The following CTNNA3 variants were observed in gnomAD, a reference collection of about 807,000 sequenced individuals.
The protein encoded by CTNNA3 is catenin alpha-3.
A neutral mutation model predicts 95.7 loss-of-function variants in CTNNA3; 76 were observed. That is an observed-to-expected ratio of 0.79 (90% CI 0.66 to 0.96). The LOEUF is 0.96. Among genes scored for constraint, CTNNA3 ranks in the 40% least tolerant of loss-of-function variants. The probability of loss-of-function intolerance (pLI) is 0.00; values close to 1 mark genes in which losing one functional copy is unlikely to be tolerated. For missense variants in CTNNA3, 1,191 were observed against 1,089.8 expected (o/e 1.09, Z -1.31); for synonymous variants, 431 against 374.4 (o/e 1.15, Z -1.74).
intron 7 of CTNNA3, among the ~76,000 whole-genome samples, chr10:66,995,810 C>T (rs575940280): frequency 6.6e-6 from 1 of 152,256 alleles, no homozygotes; most frequent in East Asian, 1.9e-4. Flanking sequence ...CTAATACAAG[C>T]ATTACTGCCT....
intron 11 of CTNNA3, among the ~76,000 whole-genome samples, chr10:66,456,248 A>G (rs1268653908): frequency 6.6e-6 from 1 of 152,200 alleles, no homozygotes; most frequent in Non-Finnish European, 1.5e-5. Context: ...AAAAAGAAGA[A>G]TAAAATTGGA....
intron 9 of CTNNA3, among the ~76,000 whole-genome samples, chr10:66,629,880 C>T (rs962098774): frequency 6.6e-6 from 1 of 152,150 alleles, no homozygotes; most frequent in African/African-American, 2.4e-5. Context: ...TCCATCAGAT[C>T]TCTGCTCAAA....
chr10:67,104,424 G>A (rs919286218), intron 7 of CTNNA3, among the ~76,000 whole-genome samples: 1 of 151,896 alleles, frequency 6.6e-6, no homozygotes, highest in African/African-American at 2.4e-5. Flanking sequence ...TACTCAGAAT[G>A]TAATATGTAG....
intron 11 of CTNNA3, among the ~76,000 whole-genome samples, chr10:66,493,903 CTTTTTTTTTTT>C (rs1181967222): frequency 2.0e-5 from 2 of 98,134 alleles, no homozygotes; most frequent in African/African-American, 1.0e-4. Flanking sequence ...CTGCGCCGGC[CTTTTTTTTTTT>C]TTTTTTTTTT....
chr10:66,121,467 T>TACACACAC (rs5785750), intron 13 of CTNNA3, among the ~76,000 whole-genome samples: 1 of 151,208 alleles, frequency 6.6e-6, no homozygotes, highest in African/African-American at 2.4e-5. Flanking sequence ...ACAACATACA[T>TACACACAC]ACACACACAC....
intron 9 of CTNNA3, among the ~76,000 whole-genome samples, chr10:66,652,705 A>C (rs1299630984): frequency 6.6e-6 from 1 of 152,204 alleles, no homozygotes; most frequent in Non-Finnish European, 1.5e-5. Flanking sequence ...ATTACATGCC[A>C]ATATTCCTGG....
At chr10:66,811,690 C>G (rs966054860) in intron 7 of CTNNA3, among the ~76,000 whole-genome samples, 2 of 152,136 alleles carry the variant, frequency 1.3e-5, no homozygotes, top group Non-Finnish European at 2.9e-5. Flanking sequence ...AGTTGAGAAC[C>G]ACTGAAATTT....
intron 5 of CTNNA3, among the ~76,000 whole-genome samples, chr10:67,315,475 T>C (rs2132536950): frequency 6.6e-6 from 1 of 152,250 alleles, no homozygotes; most frequent in African/African-American, 2.4e-5. Flanking sequence ...CCTTTAACTA[T>C]AAACTAAACT....
Position 67,480,047 on chromosome 10 carries a change from C to A in CTNNA3, c.579+41795G>T, listed in dbSNP as rs747963182. ...AGATTGAATCGGGAAGAGATTGAAACCCTGGACAGACCAATAACAAGTTCC... is the reference window on the plus strand; with the variant it reads ...AGATTGAATCGGGAAGAGATTGAAAACCTGGACAGACCAATAACAAGTTCC... On this transcript the variant is annotated intron_variant, in intron 5 of 17. Transcript: ENST00000433211. 5.9e-5 allele frequency among the ~76,000 whole-genome samples: 9 copies of A among 152,018 alleles called. No homozygotes were observed. The South Asian group carries it at 1.5e-3, about 25-fold the overall frequency.
chr10:66,320,484 A>G (rs572866609), intron 12 of CTNNA3, among the ~76,000 whole-genome samples: 1 of 152,072 alleles, frequency 6.6e-6, no homozygotes. Flanking sequence ...AATCTTACAA[A>G]TTCTTGCCTT....
chr10:66,135,422 T>C (rs2083297930), intron 13 of CTNNA3, among the ~76,000 whole-genome samples: 1 of 152,182 alleles, frequency 6.6e-6, no homozygotes, highest in Non-Finnish European at 1.5e-5. Context: ...GCTAAAAAAA[T>C]TAATGATTTC....
intron 1 of CTNNA3, among the ~76,000 whole-genome samples, chr10:67,711,776 T>C (rs1841111415): frequency 7.3e-6 from 1 of 136,820 alleles, no homozygotes; most frequent in Admixed American, 8.4e-5. Context: ...ATGTTCCCCT[T>C]CCTGTGTCCA....
At chr10:66,303,540 T>A (rs990159855) in intron 12 of CTNNA3, among the ~76,000 whole-genome samples, 1 of 152,142 alleles carries the variant, frequency 6.6e-6, no homozygotes, top group Non-Finnish European at 1.5e-5. Flanking sequence ...AAAGTTTTTA[T>A]ATAATTGGTT....
chr10:67,690,992 C>A (rs1195010012), intron 1 of CTNNA3, among the ~76,000 whole-genome samples: 1 of 152,180 alleles, frequency 6.6e-6, no homozygotes, highest in Non-Finnish European at 1.5e-5. Flanking sequence ...AACCTCCCTG[C>A]CTGATTCTCC....
chr10:66,642,903 G>T (rs1361603988), intron 9 of CTNNA3, among the ~76,000 whole-genome samples: 2 of 152,080 alleles, frequency 1.3e-5, no homozygotes, highest in Non-Finnish European at 2.9e-5. Flanking sequence ...CGATTATTGT[G>T]AAAGTACCTG....
intron 12 of CTNNA3, among the ~76,000 whole-genome samples, chr10:66,291,572 G>A (rs1195590460): frequency 6.6e-6 from 1 of 152,072 alleles, no homozygotes; most frequent in African/African-American, 2.4e-5. Context: ...GAGGGAAGGT[G>A]ATGCAGTTCT....
In CTNNA3 at chr10:66,580,610, T is replaced by A. The variant is rs1223206240; in HGVS notation, c.1374+41082A>T. Among the ~76,000 whole-genome samples, 2 of 151,808 alleles carry A rather than the reference T, an allele frequency of 1.3e-5. 1 individual carries two copies. The highest frequency in any genetic ancestry group is 3.9e-4 in the East Asian group (2 of 5,192). On this transcript the variant is annotated intron_variant, in intron 10 of 17. Transcript: ENST00000433211. ...CTTGAGATCTTCCTGGTTCTTGATA[T>A]GACAAGTGATGTTTGAATGAGATGG...
At chr10:66,022,282 A>G (rs2079234759) in intron 15 of CTNNA3, among the ~76,000 whole-genome samples, 1 of 152,312 alleles carries the variant, frequency 6.6e-6, no homozygotes, top group Admixed American at 6.5e-5. Flanking sequence ...TCTCAAATAA[A>G]TAGCAAAATC....
chr10:66,597,376 C>A (rs1843744617), intron 10 of CTNNA3, among the ~76,000 whole-genome samples: 2 of 150,928 alleles, frequency 1.3e-5, no homozygotes, highest in Non-Finnish European at 3.0e-5. Flanking sequence ...TTCAGTGGGA[C>A]ACATTATAAT....
Sources: gnomAD v4.1 joint callset for allele counts (sites outside exome capture counted in the v4.1 genomes callset) on GRCh38, gnomAD v4.1.1 for gene constraint, MANE v1.5 for transcripts, NCBI Gene and HGNC (gene_info 2026-07-23, HGNC 2026-07-21) for gene names.